Variants in COMMD6 observed in about 807,000 individuals in gnomAD.
The protein encoded by COMMD6 is COMM domain-containing protein 6.
In COMMD6, 11 loss-of-function variants were observed where a neutral mutation model predicts 13.4. That is an observed-to-expected ratio of 0.82 (90% CI 0.52 to 1.36). The LOEUF is 1.36. Ranked by LOEUF, COMMD6 falls within the 40% of genes most tolerant of loss-of-function variation. The pLI is 0.00. For synonymous variants in COMMD6, 43 were observed against 36.5 expected, an observed-to-expected ratio of 1.18 and a Z score of -0.64; for missense variants, 124 against 102.4, an observed-to-expected ratio of 1.21 and a Z score of -0.91.
intron 1 of COMMD6, among the ~76,000 whole-genome samples, chr13:75,546,950 T>C (rs1287090841): frequency 6.6e-6 from 1 of 151,980 alleles, no homozygotes; most frequent in African/African-American, 2.4e-5. Flanking sequence ...ATATTTTCAT[T>C]AGCTAATCAA....
intron 3 of COMMD6, among the ~76,000 whole-genome samples, chr13:75,528,272 C>T (rs190893663): frequency 1.3e-5 from 2 of 151,778 alleles, no homozygotes; most frequent in Admixed American, 6.6e-5. Context: ...GGAATCAGGA[C>T]AGCACAAATG....
chr13:75,538,309 C>G (rs1473810931), upstream of COMMD6, among the ~76,000 whole-genome samples: 1 of 152,252 alleles, frequency 6.6e-6, no homozygotes, highest in Non-Finnish European at 1.5e-5. Flanking sequence ...CCTGCTGTTC[C>G]TCTTGAATCC....
At chr13:75,538,470 T>G (rs2030759973), upstream of COMMD6, among the ~76,000 whole-genome samples, 1 of 152,200 alleles carries the variant, frequency 6.6e-6, no homozygotes, top group Non-Finnish European at 1.5e-5. Flanking sequence ...TCAGAAAAAT[T>G]GCAAAAAATA....
chr13:75,546,371 A>ATT (rs2030904940), intron 1 of COMMD6, among the ~76,000 whole-genome samples: 1 of 152,240 alleles, frequency 6.6e-6, no homozygotes, highest in East Asian at 1.9e-4. Flanking sequence ...AGCTTTGAGT[A>ATT]GATAAGTTAC....
upstream of COMMD6, among the ~76,000 whole-genome samples, chr13:75,539,247 C>A (rs2030781424): frequency 1.4e-5 from 2 of 144,448 alleles, no homozygotes; most frequent in Non-Finnish European, 1.5e-5. Context: ...TTTTTTGAGA[C>A]AGAGTCTCAA....
upstream of COMMD6, chr13:75,537,927 A>G: frequency 1.0e-6 from 1 of 992,888 alleles, no homozygotes. Context: ...GAAGCTGAAA[A>G]AAGCATCTTT....
intron 2 of COMMD6, among the ~76,000 whole-genome samples, chr13:75,532,756 A>T (rs2030528000): frequency 6.6e-6 from 1 of 152,212 alleles, no homozygotes; most frequent in African/African-American, 2.4e-5. Context: ...GTAAGCAAAT[A>T]TGAAAAATAA....
At chr13:75,533,570 G>GA (rs57092186) in intron 2 of COMMD6, among the ~76,000 whole-genome samples, 5,268 of 130,712 alleles carry the variant, frequency 0.04, 356 homozygotes, top group African/African-American at 0.14. Flanking sequence ...CCCCAAATCT[G>GA]AAAAAAAAAA....
chr13:75,530,039 G>T, intron 3 of COMMD6, 75 bp downstream of exon 3: 2 of 1,219,052 alleles, frequency 1.6e-6, no homozygotes, highest in Non-Finnish European at 1.2e-6. Flanking sequence ...TTTTCCCGTA[G>T]AAAGATTTTA....
At chr13:75,543,127 C>T (rs550161954), upstream of COMMD6, among the ~76,000 whole-genome samples, 4 of 152,170 alleles carry the variant, frequency 2.6e-5, no homozygotes, top group African/African-American at 9.7e-5. Flanking sequence ...GAGCTAAACA[C>T]TGAGTATACA....
intron 3 of COMMD6, chr13:75,527,795 T>G: frequency 1.4e-6 from 2 of 1,478,170 alleles, no homozygotes; most frequent in South Asian, 2.9e-5. Context: ...ATGTGGAATC[T>G]AAAAAAGTCA....
At chr13:75,542,659 G>C (rs577230836), upstream of COMMD6, among the ~76,000 whole-genome samples, 1 of 152,316 alleles carries the variant, frequency 6.6e-6, no homozygotes, top group Non-Finnish European at 1.5e-5. Flanking sequence ...TAAAAAGGGG[G>C]AATTAAGGTT....
chr13:75,535,882 T>C (rs766120519), intron 2 of COMMD6, among the ~76,000 whole-genome samples: 5 of 152,172 alleles, frequency 3.3e-5, no homozygotes, highest in Non-Finnish European at 7.3e-5. Flanking sequence ...TCTTGCAAGA[T>C]ACTCCGTAAT....
upstream of COMMD6, among the ~76,000 whole-genome samples, chr13:75,541,934 G>C (rs1015975060): frequency 8.5e-5 from 13 of 152,126 alleles, no homozygotes; most frequent in Non-Finnish European, 1.5e-4. Flanking sequence ...TTTGCGCATA[G>C]GGCATTGCAG....
chr13:75,537,455 G>T, intron 2 of COMMD6: 1 of 1,551,634 alleles, frequency 6.4e-7, no homozygotes, highest in Non-Finnish European at 8.7e-7. Context: ...TCGGGCTAGT[G>T]CAGGGTGGGG....
intron 2 of COMMD6, among the ~76,000 whole-genome samples, chr13:75,535,736 T>G (rs2030641913): frequency 6.6e-6 from 1 of 152,236 alleles, no homozygotes; most frequent in Non-Finnish European, 1.5e-5. Context: ...TTGTTGATTT[T>G]TCAGTTTGTT....
In COMMD6 at chr13:75,537,632, C is replaced by G. The variant is rs200497164; in HGVS notation, c.54+32G>C. ...CTCGCGGCCGTGGGAGGCAGGCTGGCGGAGGACAGGGCGGGGCGGCCGCTC... is the reference window on the plus strand; with the variant it reads ...CTCGCGGCCGTGGGAGGCAGGCTGGGGGAGGACAGGGCGGGGCGGCCGCTC... On this transcript the variant is annotated intron_variant, in intron 2 of 3. Coordinates refer to ENST00000682242, the MANE Select transcript of COMMD6 (RefSeq NM_203495.4). 329 of 1,612,842 alleles carry G rather than the reference C, an allele frequency of 2.0e-4. 1 individual carries two copies. In the African/African-American group the frequency reaches 3.2e-3, roughly 16 times the overall value.
intron 2 of COMMD6, chr13:75,537,235 A>C: frequency 3.0e-6 from 4 of 1,323,812 alleles, no homozygotes; most frequent in Non-Finnish European, 4.1e-6. Context: ...TTAAAAGTCA[A>C]ATTCATATTC....
chr13:75,544,688 A>G (rs532930221), intron 1 of COMMD6, among the ~76,000 whole-genome samples: 22 of 152,302 alleles, frequency 1.4e-4, no homozygotes, highest in Admixed American at 1.4e-3. Context: ...ACTTGAACTC[A>G]GGAGGCAGAG....
Sources: allele counts gnomAD v4.1 joint callset (sites outside exome capture counted in the v4.1 genomes callset), GRCh38; gene constraint gnomAD v4.1.1; transcripts MANE v1.5; gene names NCBI Gene and HGNC (gene_info 2026-07-23, HGNC 2026-07-21).